The following MAGI2 variants were observed in gnomAD, a reference collection of about 807,000 sequenced individuals.
The protein encoded by MAGI2 is membrane-associated guanylate kinase, WW and PDZ domain-containing protein 2.
A neutral mutation model predicts 133.3 loss-of-function variants in MAGI2; 35 were observed. The observed-to-expected ratio is 0.26, with a 90% CI of 0.20 to 0.35. The LOEUF (loss-of-function observed/expected upper bound fraction) is 0.35, where lower values mean the gene tolerates loss of function less well. MAGI2 is among the 10% of genes least tolerant of loss of function. MAGI2 has a pLI of 1.00. For synonymous variants in MAGI2, 729 were observed against 710.6 expected, an observed-to-expected ratio of 1.03 and a Z score of -0.41; for missense variants, 1,636 against 1,863.4, an observed-to-expected ratio of 0.88 and a Z score of 2.25.
intron 1 of MAGI2, among the ~76,000 whole-genome samples, chr7:79,378,926 G>GTATATATATATA (rs59388508): frequency 4.8e-4 from 45 of 94,544 alleles, no homozygotes; most frequent in East Asian, 6.5e-4. Flanking sequence ...ATGTGTGTGT[G>GTATATATATATA]TATATATATA....
chr7:78,369,201 C>A lies in MAGI2; in HGVS notation c.1058G>T (p.Gly353Val). ...AATGGGATCATCGATTTTTTCCCAG[C>A]CATATGGAAGCTCTGAAAAATAAAG... ...EECKENELPY[G>V]WEKIDDPIYG... Residue 353 changes from glycine (G) to valine (V), a missense_variant, in exon 7 of 22, where the codon GGC (glycine) becomes GTC (valine). This residue lies in a region of MAGI2 where 920 missense variants were observed against 1,093.5 expected (regional missense o/e 0.84). Transcript: ENST00000354212. The A allele has an allele frequency of 6.2e-7, 1 of 1,600,780 alleles. No individual in the cohort carries two copies. Among genetic ancestry groups the A allele is most frequent in the South Asian group, 1.1e-5 (1 of 88,502 alleles).
intron 5 of MAGI2, among the ~76,000 whole-genome samples, chr7:78,492,682 T>C (rs532644231): frequency 1.2e-4 from 19 of 152,172 alleles, no homozygotes; most frequent in Non-Finnish European, 2.4e-4. Flanking sequence ...GGTATTTCCT[T>C]TCAGTTCCTA....
At chr7:79,443,055 T>G (rs1848594665) in intron 1 of MAGI2, among the ~76,000 whole-genome samples, 1 of 152,010 alleles carries the variant, frequency 6.6e-6, no homozygotes, top group Admixed American at 6.6e-5. Flanking sequence ...GCAGATCACT[T>G]GAGGTCAGGA....
chr7:78,502,642 GT>G (rs967623127), intron 4 of MAGI2, among the ~76,000 whole-genome samples: 2 of 152,050 alleles, frequency 1.3e-5, no homozygotes, highest in African/African-American at 4.8e-5. Flanking sequence ...TTTTATCATA[GT>G]TTTTTTGTAT....
intron 5 of MAGI2, among the ~76,000 whole-genome samples, chr7:78,498,583 C>A (rs1794338155): frequency 6.6e-6 from 1 of 152,036 alleles, no homozygotes; most frequent in Admixed American, 6.6e-5. Flanking sequence ...AAACCATAGG[C>A]AGAGAGAGAG....
intron 2 of MAGI2, 146 bp from the exon 3 acceptor site, chr7:78,627,385 T>A: frequency 1.5e-6 from 1 of 674,704 alleles, no homozygotes; most frequent in Non-Finnish European, 2.2e-6. Context: ...TCTGTTTGTT[T>A]GGCAACAGAA....
At chr7:78,741,397 AC>A (rs1822411292) in intron 2 of MAGI2, among the ~76,000 whole-genome samples, 1 of 141,588 alleles carries the variant, frequency 7.1e-6, no homozygotes, top group African/African-American at 2.8e-5. Flanking sequence ...ACACACACAC[AC>A]ACACACACAC....
chr7:78,834,082 T>C (rs1006698301), intron 2 of MAGI2, among the ~76,000 whole-genome samples: 2 of 151,862 alleles, frequency 1.3e-5, no homozygotes, highest in Non-Finnish European at 2.9e-5. Flanking sequence ...CATTGCAGCC[T>C]TGAACTCTTG....
At chr7:78,067,908 G>A (rs1814012573) in intron 21 of MAGI2, among the ~76,000 whole-genome samples, 1 of 152,196 alleles carries the variant, frequency 6.6e-6, no homozygotes, top group African/African-American at 2.4e-5. Flanking sequence ...GTTATTGGTT[G>A]CCAGGGGTGG....
intron 1 of MAGI2, among the ~76,000 whole-genome samples, chr7:79,326,478 T>A (rs967649096): frequency 6.6e-6 from 1 of 152,176 alleles, no homozygotes; most frequent in Non-Finnish European, 1.5e-5. Flanking sequence ...TATATTTTGA[T>A]GTTTTAAAAC....
chr7:79,369,130 G>C (rs1842908470), intron 1 of MAGI2, among the ~76,000 whole-genome samples: 1 of 152,154 alleles, frequency 6.6e-6, no homozygotes, highest in Admixed American at 6.5e-5. Context: ...CTCCTGTAAA[G>C]TGTAGCTCCT....
chr7:78,146,982 T>G lies in MAGI2; in HGVS notation c.2846-11776A>C, dbSNP rs1392696867. On this transcript the variant is annotated intron_variant, in intron 16 of 21. Coordinates refer to ENST00000354212, the MANE Select transcript of MAGI2 (RefSeq NM_012301.4). Reference sequence around the variant, plus strand: ...AGCCCTCCGGCAGATAATAACTTCTTGCAATATTTTCTTAATATAAATGGA... The same window carrying G: ...AGCCCTCCGGCAGATAATAACTTCTGGCAATATTTTCTTAATATAAATGGA... Among the ~76,000 whole-genome samples the G allele has an allele frequency of 3.9e-5, 6 of 152,202 alleles. No homozygotes were observed. The East Asian group carries it at 1.2e-3, about 29-fold the overall frequency.
In MAGI2 at chr7:78,070,126, C is replaced by CACACACACAT. The variant is rs3084738; in HGVS notation, c.3706+8820_3706+8821insATGTGTGTGT. ...ACACATACACACACACACACACACA[C>CACACACACAT]ATATATGTGTGTGTATATATATACA... On this transcript the variant is annotated intron_variant, in intron 21 of 21. Transcript: ENST00000354212. 5.8e-3 allele frequency among the ~76,000 whole-genome samples: 790 copies of CACACACACAT among 136,246 alleles called. 11 individuals are homozygous for CACACACACAT. The South Asian group carries it at 0.059, about 10-fold the overall frequency. 89.4% of individuals were successfully genotyped at this position (136,246 alleles called of 152,430 possible).
intron 6 of MAGI2, among the ~76,000 whole-genome samples, chr7:78,382,883 C>T (rs1037568788): frequency 6.6e-6 from 1 of 152,010 alleles, no homozygotes; most frequent in African/African-American, 2.4e-5. Context: ...TGCTGGCTTA[C>T]TCCACGTAAG....
At chr7:78,954,548 T>C (rs964163328) in intron 2 of MAGI2, among the ~76,000 whole-genome samples, 1 of 152,190 alleles carries the variant, frequency 6.6e-6, no homozygotes, top group Non-Finnish European at 1.5e-5. Flanking sequence ...CAGTTGTTCC[T>C]GGTCTGGCAA....
intron 14 of MAGI2, among the ~76,000 whole-genome samples, chr7:78,169,425 A>G (rs1288741372): frequency 3.8e-5 from 4 of 105,864 alleles, no homozygotes; most frequent in East Asian, 3.0e-4. Flanking sequence ...CAAATCCCCT[A>G]TCTGTGAATT....
At chr7:78,600,217 C>T (rs186752079) in intron 3 of MAGI2, among the ~76,000 whole-genome samples, 4 of 152,000 alleles carry the variant, frequency 2.6e-5, no homozygotes, top group Non-Finnish European at 4.4e-5. Flanking sequence ...CAAAGCCCTA[C>T]TAAAATGGTA....
intron 6 of MAGI2, among the ~76,000 whole-genome samples, chr7:78,398,623 CT>C (rs763768355): frequency 2.2e-4 from 34 of 151,896 alleles, no homozygotes; most frequent in Admixed American, 1.8e-3. Flanking sequence ...CCAGGAATGT[CT>C]TTTTTTCACA....
chr7:78,819,902 C>T (rs1281109104), intron 2 of MAGI2, among the ~76,000 whole-genome samples: 2 of 152,014 alleles, frequency 1.3e-5, no homozygotes, highest in Admixed American at 6.5e-5. Flanking sequence ...TAGCTATTGA[C>T]ATGAAGCCTG....
Sources: allele counts gnomAD v4.1 joint callset (sites outside exome capture counted in the v4.1 genomes callset), GRCh38; gene constraint gnomAD v4.1.1; regional missense constraint gnomAD v4.1.1; transcripts MANE v1.5; gene names NCBI Gene and HGNC (gene_info 2026-07-23, HGNC 2026-07-21).